Variants in NYAP2 observed in about 807,000 individuals in gnomAD.
NYAP2 encodes neuronal tyrosine-phosphorylated phosphoinositide-3-kinase adaptor 2.
NYAP2 carries 23 observed loss-of-function variants against 50.4 expected under a neutral mutation model. The ratio of observed to expected loss-of-function variants is 0.46; its 90% CI spans 0.33 to 0.65. The LOEUF is 0.65. Among genes scored for constraint, NYAP2 ranks in the 30% least tolerant of loss-of-function variants. NYAP2 has a pLI of 0.02. For missense variants in NYAP2, 885 were observed against 861.0 expected (o/e 1.03, Z -0.35); for synonymous variants, 394 against 365.2 (o/e 1.08, Z -0.90).
intron 6 of NYAP2, among the ~76,000 whole-genome samples, chr2:225,639,898 C>T (rs1693497021): frequency 6.6e-6 from 1 of 152,002 alleles, no homozygotes; most frequent in Non-Finnish European, 1.5e-5. Flanking sequence ...GAAGAGCAAT[C>T]AAGGAAGAGG....
At chr2:225,633,010 G>A (rs968771717) in intron 6 of NYAP2, among the ~76,000 whole-genome samples, 3 of 152,312 alleles carry the variant, frequency 2.0e-5, no homozygotes, top group African/African-American at 7.2e-5. Context: ...CTTGAAAAAT[G>A]ATGGAGAGAT....
chr2:225,436,754 A>G (rs1211700115), intron 3 of NYAP2, among the ~76,000 whole-genome samples: 9 of 150,924 alleles, frequency 6.0e-5, no homozygotes, highest in Non-Finnish European at 8.9e-5. Flanking sequence ...AAAAAAAAAA[A>G]AAAAAGAGAG....
At chr2:225,630,244 G>A (rs1055574307) in intron 6 of NYAP2, among the ~76,000 whole-genome samples, 11 of 152,314 alleles carry the variant, frequency 7.2e-5, no homozygotes, top group Non-Finnish European at 1.3e-4. Flanking sequence ...TAGCTATGAA[G>A]TATAAATTAC....
At chr2:225,682,578 G>A in the NYAP2 span, among the ~76,000 whole-genome samples, 1 of 152,264 alleles carries the variant, frequency 6.6e-6, no homozygotes, top group East Asian at 1.9e-4. Context: ...AGGTGGAGGA[G>A]GAAAGGAGAC....
At chr2:225,551,241 T>C (rs1195374144) in intron 4 of NYAP2, among the ~76,000 whole-genome samples, 2 of 152,230 alleles carry the variant, frequency 1.3e-5, no homozygotes, top group Admixed American at 1.3e-4. Flanking sequence ...TTTGGCCATA[T>C]GATTTGCTTG....
intron 5 of NYAP2, among the ~76,000 whole-genome samples, chr2:225,625,212 TG>T (rs1473056400): frequency 6.6e-6 from 1 of 152,138 alleles, no homozygotes; most frequent in Non-Finnish European, 1.5e-5. Flanking sequence ...TTAACATACT[TG>T]CTATCACTTG....
At chr2:225,442,240 G>A (rs997295202) in intron 3 of NYAP2, among the ~76,000 whole-genome samples, 25 of 152,072 alleles carry the variant, frequency 1.6e-4, no homozygotes, top group Non-Finnish European at 3.1e-4. Context: ...AAAATTCAGA[G>A]GCACAAAAGA....
intron 6 of NYAP2, among the ~76,000 whole-genome samples, chr2:225,638,434 A>T (rs1187545924): frequency 6.6e-6 from 1 of 152,092 alleles, no homozygotes; most frequent in Admixed American, 6.6e-5. Flanking sequence ...TTAGCAAGTA[A>T]CTGTTCGGCT....
Position 225,530,425 on chromosome 2 carries a change from A to G in NYAP2, c.523+16753A>G, listed in dbSNP as rs563710047. On this transcript the variant is annotated intron_variant, in intron 4 of 6. Coordinates refer to ENST00000636099, the Ensembl canonical transcript of NYAP2. Reference sequence around the variant, plus strand: ...AAATTGAATCTCGGTTCTCTTCTCAATGTTGTCCTTTTATCCCTATCCTTT... The same window carrying G: ...AAATTGAATCTCGGTTCTCTTCTCAGTGTTGTCCTTTTATCCCTATCCTTT... Among the ~76,000 whole-genome samples, 6 of 152,200 alleles carry G rather than the reference A, an allele frequency of 3.9e-5. No individual in the cohort carries two copies. In the South Asian group the frequency reaches 1.2e-3, roughly 32 times the overall value.
chr2:225,601,323 G>T (rs1692686967), intron 5 of NYAP2, among the ~76,000 whole-genome samples: 1 of 151,960 alleles, frequency 6.6e-6, no homozygotes. Context: ...GTTTCACCAT[G>T]CTGGCCAGAA....
intron 6 of NYAP2, among the ~76,000 whole-genome samples, chr2:225,647,725 G>A (rs1693658667): frequency 6.6e-6 from 1 of 152,090 alleles, no homozygotes; most frequent in Non-Finnish European, 1.5e-5. Flanking sequence ...CGGCAAAAAT[G>A]CTGAAAACCA....
intron 3 of NYAP2, among the ~76,000 whole-genome samples, chr2:225,453,144 A>G (rs889691097): frequency 1.3e-5 from 2 of 152,226 alleles, no homozygotes; most frequent in African/African-American, 2.4e-5. Context: ...AATGATTTGA[A>G]GTATAAATGT....
At chr2:225,545,698 T>A (rs1339782464) in intron 4 of NYAP2, among the ~76,000 whole-genome samples, 3 of 152,128 alleles carry the variant, frequency 2.0e-5, no homozygotes, top group African/African-American at 7.2e-5. Flanking sequence ...TGGTTCCTTA[T>A]TTAGTTTGTT....
chr2:225,612,715 A>T (rs1692913371), intron 5 of NYAP2, among the ~76,000 whole-genome samples: 1 of 83,472 alleles, frequency 1.2e-5, no homozygotes, highest in East Asian at 3.2e-4. Flanking sequence ...TCCTTTTCTT[A>T]TAAAGGCACT....
the NYAP2 span, among the ~76,000 whole-genome samples, chr2:225,660,540 T>C: frequency 2.0e-5 from 3 of 151,050 alleles, no homozygotes; most frequent in African/African-American, 7.3e-5. Flanking sequence ...CCATTCACAT[T>C]ATAAAATGTA....
chr2:225,551,591 C>T (rs1490982502), intron 4 of NYAP2, among the ~76,000 whole-genome samples: 2 of 152,144 alleles, frequency 1.3e-5, no homozygotes, highest in Non-Finnish European at 2.9e-5. Context: ...AAAAGTGACA[C>T]TGTAATGTCT....
chr2:225,426,429 G>A (rs1214526855), intron 3 of NYAP2, among the ~76,000 whole-genome samples: 4 of 152,124 alleles, frequency 2.6e-5, no homozygotes, highest in South Asian at 4.1e-4. Flanking sequence ...ATCCACTAAC[G>A]TACCCACAAC....
Position 225,462,259 on chromosome 2 carries a change from A to G in NYAP2, c.222-51112A>G, listed in dbSNP as rs574210606. ...TGATTGTTACTAAACTTGGGAAAAAAGATCTGAAAGTTTAAGTCATAAGAA... is the reference window on the plus strand; with the variant it reads ...TGATTGTTACTAAACTTGGGAAAAAGGATCTGAAAGTTTAAGTCATAAGAA... On this transcript the variant is annotated intron_variant, in intron 3 of 6. Coordinates refer to ENST00000636099, the Ensembl canonical transcript of NYAP2. 6.1e-4 allele frequency among the ~76,000 whole-genome samples: 93 copies of G among 152,346 alleles called. No individual in the cohort carries two copies. In the South Asian group the frequency reaches 0.01, roughly 17 times the overall value.
intron 4 of NYAP2, among the ~76,000 whole-genome samples, chr2:225,551,994 G>T (rs1231982770): frequency 6.6e-6 from 1 of 152,090 alleles, no homozygotes; most frequent in African/African-American, 2.4e-5. Flanking sequence ...TGTATTTTTA[G>T]TAAAGACGGG....
Sources: gnomAD v4.1 joint callset for allele counts (sites outside exome capture counted in the v4.1 genomes callset) on GRCh38, gnomAD v4.1.1 for gene constraint, MANE v1.5 for transcripts, NCBI Gene and HGNC (gene_info 2026-07-23, HGNC 2026-07-21) for gene names.